The following RBFOX1 variants were observed in gnomAD, a reference collection of about 807,000 sequenced individuals.
The protein encoded by RBFOX1 is RNA binding protein fox-1 homolog 1.
In RBFOX1, 8 loss-of-function variants were observed where a neutral mutation model predicts 57.7. The observed-to-expected ratio is 0.14, with a 90% CI of 0.08 to 0.25. RBFOX1 has a LOEUF of 0.25. RBFOX1 is among the 10% of genes least tolerant of loss of function. The pLI, the probability that RBFOX1 is intolerant of heterozygous loss-of-function variation, is 1.00. For missense variants in RBFOX1, 611 were observed against 548.5 expected (o/e 1.11, Z -1.14); for synonymous variants, 326 against 222.4 (o/e 1.47, Z -4.15).
intron 3 of RBFOX1, among the ~76,000 whole-genome samples, chr16:5,852,536 A>T (rs548208041): frequency 6.6e-6 from 1 of 152,218 alleles, no homozygotes; most frequent in East Asian, 1.9e-4. Context: ...ATGGAGGTCA[A>T]TGCATAACTG....
intron 4 of RBFOX1, among the ~76,000 whole-genome samples, chr16:7,402,618 G>C (rs1402219284): frequency 6.6e-6 from 1 of 152,154 alleles, no homozygotes; most frequent in Non-Finnish European, 1.5e-5. Context: ...ATTTGAATAT[G>C]AGTGGCTTTC....
intron 4 of RBFOX1, among the ~76,000 whole-genome samples, chr16:5,988,571 C>T (rs1015101488): frequency 2.6e-5 from 4 of 152,164 alleles, no homozygotes; most frequent in African/African-American, 4.8e-5. Context: ...TGCCACCCTG[C>T]TTGGCGGCAT....
At chr16:5,332,607 A>AAT (rs201408614) in intron 1 of RBFOX1, among the ~76,000 whole-genome samples, 1 of 150,508 alleles carries the variant, frequency 6.6e-6, no homozygotes, top group Non-Finnish European at 1.5e-5. Flanking sequence ...GATTCAAATA[A>AAT]ATATATATAT....
Position 5,400,903 on chromosome 16 carries a change from A to G in RBFOX1, c.220-66313A>G, listed in dbSNP as rs530101520. Among the ~76,000 whole-genome samples, 12 of 152,156 alleles carry G rather than the reference A, an allele frequency of 7.9e-5. No homozygotes were observed. In the South Asian group the frequency reaches 2.5e-3, roughly 32 times the overall value. ...TTCCACTAATGTTCCATTTTTGTTC[A>G]TAGATCATTTTTCTATTGGGGCATT... On this transcript the variant is annotated intron_variant, in intron 1 of 2. Transcript: ENST00000585867.
intron 2 of RBFOX1, among the ~76,000 whole-genome samples, 195 bp downstream of exon 2, chr16:6,317,252 C>G (rs1175130818): frequency 6.6e-6 from 1 of 152,164 alleles, no homozygotes; most frequent in Non-Finnish European, 1.5e-5. Flanking sequence ...TCCTTTAGCC[C>G]TCCCTCCCCA....
chr16:5,565,632 A>G (rs1050916370), intron 2 of RBFOX1, among the ~76,000 whole-genome samples: 958 of 67,100 alleles, frequency 0.014, 16 homozygotes, highest in African/African-American at 0.065. Flanking sequence ...CCTTACATAA[A>G]TAAATAAATA....
chr16:5,373,525 C>T (rs1322426450), intron 1 of RBFOX1, among the ~76,000 whole-genome samples: 1 of 152,126 alleles, frequency 6.6e-6, no homozygotes, highest in Admixed American at 6.5e-5. Context: ...TGCCTTCCAC[C>T]CCGATTGTAA....
chr16:6,490,268 T>C (rs962424601), intron 2 of RBFOX1, among the ~76,000 whole-genome samples: 2 of 152,338 alleles, frequency 1.3e-5, no homozygotes, highest in Non-Finnish European at 2.9e-5. Context: ...ATCTTGCAAG[T>C]ACGCAATTAA....
At chr16:5,520,626 A>T (rs1403646553) in intron 2 of RBFOX1, among the ~76,000 whole-genome samples, 5 of 152,178 alleles carry the variant, frequency 3.3e-5, no homozygotes, top group African/African-American at 1.2e-4. Context: ...TATGTGGTAG[A>T]TTATATTCTT....
At chr16:6,631,244 C>T (rs980049077) in intron 2 of RBFOX1, among the ~76,000 whole-genome samples, 3 of 151,380 alleles carry the variant, frequency 2.0e-5, no homozygotes, top group East Asian at 3.9e-4. Flanking sequence ...AAGATAAGGA[C>T]AAGTAAAGGG....
intron 3 of RBFOX1, among the ~76,000 whole-genome samples, chr16:6,822,843 C>A (rs2091534496): frequency 6.6e-6 from 1 of 152,180 alleles, no homozygotes; most frequent in Non-Finnish European, 1.5e-5. Context: ...AATCTTAGAT[C>A]TCTTTGTGCC....
chr16:7,502,305 T>C (rs1008895877), intron 4 of RBFOX1, among the ~76,000 whole-genome samples: 1 of 152,260 alleles, frequency 6.6e-6, no homozygotes, highest in Non-Finnish European at 1.5e-5. Flanking sequence ...TAAAGATACA[T>C]GGACAAGCAC....
chr16:6,057,382 A>T (rs1230389252), intron 1 of RBFOX1, among the ~76,000 whole-genome samples: 3 of 151,976 alleles, frequency 2.0e-5, no homozygotes, highest in Non-Finnish European at 4.4e-5. Context: ...TTCTAATCCT[A>T]TTCTAATATC....
intron 3 of RBFOX1, among the ~76,000 whole-genome samples, chr16:7,031,607 AAAG>A (rs2042813740): frequency 7.1e-6 from 1 of 141,108 alleles, no homozygotes; most frequent in Non-Finnish European, 1.6e-5. Flanking sequence ...CCTAAAAAAA[AAAG>A]AAAGAAAAGA....
intron 1 of RBFOX1, among the ~76,000 whole-genome samples, chr16:5,447,377 A>T (rs1371155721): frequency 4.0e-4 from 14 of 34,630 alleles, no homozygotes; most frequent in Admixed American, 1.8e-3. Context: ...TCAATCAATC[A>T]ATCTCTCTCT....
intron 4 of RBFOX1, among the ~76,000 whole-genome samples, chr16:5,935,324 G>A (rs1480289011): frequency 2.0e-5 from 3 of 152,216 alleles, no homozygotes; most frequent in Non-Finnish European, 4.4e-5. Context: ...GCCACATGGG[G>A]ACACACGAGG....
chr16:6,602,837 C>T (rs527891780), intron 2 of RBFOX1, among the ~76,000 whole-genome samples: 19 of 152,116 alleles, frequency 1.2e-4, no homozygotes, highest in African/African-American at 3.9e-4. Flanking sequence ...GAGCTCATGC[C>T]CCACACACCC....
At chr16:7,097,650 G>C (rs1013146615) in intron 4 of RBFOX1, among the ~76,000 whole-genome samples, 1 of 152,086 alleles carries the variant, frequency 6.6e-6, no homozygotes, top group Admixed American at 6.6e-5. Flanking sequence ...ACTAAACCCA[G>C]GGCCTCTCTG....
At chr16:6,452,198 G>A (rs773316009) in intron 2 of RBFOX1, among the ~76,000 whole-genome samples, 101 of 145,346 alleles carry the variant, frequency 6.9e-4, no homozygotes, top group Non-Finnish European at 1.3e-3. Context: ...CTCCACCCAT[G>A]GCTTCTTCCT....
Sources: allele counts gnomAD v4.1 joint callset (sites outside exome capture counted in the v4.1 genomes callset), GRCh38; gene constraint gnomAD v4.1.1; transcripts MANE v1.5; gene names NCBI Gene and HGNC (gene_info 2026-07-23, HGNC 2026-07-21).